SLC5A12: variants seen among roughly 807,000 people sequenced by gnomAD.
SLC5A12 encodes the protein sodium-coupled monocarboxylate transporter 2.
A neutral mutation model predicts 72.7 loss-of-function variants in SLC5A12; 46 were observed. The observed-to-expected ratio is 0.63, with a 90% CI of 0.50 to 0.81. The LOEUF (loss-of-function observed/expected upper bound fraction) is 0.81. Among genes scored for constraint, SLC5A12 ranks in the 30% least tolerant of loss-of-function variants. The pLI is 0.00. For missense variants in SLC5A12, 683 were observed against 740.7 expected, an observed-to-expected ratio of 0.92 and a Z score of 0.90; for synonymous variants, 275 against 264.4, an observed-to-expected ratio of 1.04 and a Z score of -0.39.
intron 1 of SLC5A12, among the ~76,000 whole-genome samples, chr11:26,715,316 G>T (rs1003108774): frequency 7.7e-6 from 1 of 129,626 alleles, no homozygotes; most frequent in Non-Finnish European, 1.7e-5. Flanking sequence ...CTGAGCCTTT[G>T]CACAGGGCCA....
At chr11:26,696,900 G>C (rs912571016) in intron 8 of SLC5A12, among the ~76,000 whole-genome samples, 13 of 152,084 alleles carry the variant, frequency 8.5e-5, no homozygotes, top group African/African-American at 3.1e-4. Flanking sequence ...GACAGACCAA[G>C]GCTTACATCC....
At chr11:26,707,107 CA>C (rs1855108225) in intron 4 of SLC5A12, among the ~76,000 whole-genome samples, 1 of 151,830 alleles carries the variant, frequency 6.6e-6, no homozygotes, top group African/African-American at 2.4e-5. Context: ...ATCAAAAACA[CA>C]ATTATGACTG....
chr11:26,718,585 T>G (rs982610085), intron 1 of SLC5A12, among the ~76,000 whole-genome samples: 25 of 152,026 alleles, frequency 1.6e-4, no homozygotes, highest in African/African-American at 5.1e-4. Context: ...CTCGAGTAGC[T>G]GGGATTACAT....
intron 7 of SLC5A12, 146 bp downstream of exon 7, chr11:26,698,260 C>T: frequency 4.8e-6 from 5 of 1,049,876 alleles, no homozygotes; most frequent in Non-Finnish European, 6.7e-6. Context: ...GCTGATATCA[C>T]CCAAGAGAAG....
intron 13 of SLC5A12, among the ~76,000 whole-genome samples, chr11:26,676,028 G>C (rs1234597388): frequency 6.6e-6 from 1 of 151,884 alleles, no homozygotes; most frequent in Non-Finnish European, 1.5e-5. Flanking sequence ...GAGAGAGACT[G>C]AAATAAGGTA....
intron 4 of SLC5A12, among the ~76,000 whole-genome samples, chr11:26,705,394 C>T (rs1408334496): frequency 2.0e-5 from 3 of 152,014 alleles, no homozygotes; most frequent in East Asian, 1.9e-4. Flanking sequence ...AATGAAATGA[C>T]GTGGTATTTT....
At chr11:26,713,924 C>G (rs1443943556) in intron 1 of SLC5A12, among the ~76,000 whole-genome samples, 1 of 152,118 alleles carries the variant, frequency 6.6e-6, no homozygotes, top group Non-Finnish European at 1.5e-5. Flanking sequence ...GGTTCCATCA[C>G]TCCAATTTCT....
At chr11:26,686,112 G>A (rs1413103824) in intron 10 of SLC5A12, among the ~76,000 whole-genome samples, 1 of 152,132 alleles carries the variant, frequency 6.6e-6, no homozygotes, top group African/African-American at 2.4e-5. Flanking sequence ...TTACATAAAT[G>A]TTAATTATTA....
chr11:26,695,410 T>A (rs1257730963), intron 8 of SLC5A12, among the ~76,000 whole-genome samples: 1 of 152,164 alleles, frequency 6.6e-6, no homozygotes, highest in African/African-American at 2.4e-5. Context: ...ATTTCTTATA[T>A]GTATAGTCTA....
At position 26,671,047 on chromosome 11, in the gene SLC5A12, T is replaced by TTGTGTGTG. The variant is rs71449136; in HGVS notation, c.*47_*54dup. ...CAAGTAGGCAAGAAGTATGTGGAGTTTGTGTGTGTGTGTGTGTATTGCACG... is the reference window on the plus strand; with the variant it reads ...CAAGTAGGCAAGAAGTATGTGGAGTTTGTGTGTGTGTGTGTGTGTGTGTGTATTGCACG... On this transcript the variant is annotated 3_prime_UTR_variant, in exon 15 of 15. Coordinates refer to ENST00000396005, the MANE Select transcript of SLC5A12 (RefSeq NM_178498.4). The TTGTGTGTG allele has an allele frequency of 0.06, 81,454 of 1,348,904 alleles. 1,103 individuals carry two copies. Among genetic ancestry groups the TTGTGTGTG allele is most frequent in the South Asian group, 0.096 (6,490 of 67,752 alleles). 83.6% of individuals were successfully genotyped at this position (1,348,904 alleles called of 1,614,324 possible). A position where few individuals can be genotyped will look rare whatever the true frequency, so the allele number is the denominator to read the frequency against.
At position 26,721,422 on chromosome 11, in the gene SLC5A12, A is replaced by G; in HGVS notation, c.293T>C (p.Leu98Pro). 6.2e-7 allele frequency: 1 copy of G among 1,614,130 alleles called. No homozygotes were observed. Among genetic ancestry groups the G allele is most frequent in the Non-Finnish European group, 8.5e-7 (1 of 1,179,994 alleles). ...YLFVILLTSE[L>P]FLPVFYRSGI... The stretch of plus-strand genomic sequence containing the variant: ...AGATCTGTAGAACACAGGGAGAAAG[A>G]GCTCTGATGTTAAGAGGATGACAAA... Residue 98 changes from leucine to proline, a missense_variant, in exon 1 of 15, where the codon CTC becomes CCC. Leu to Pro is a moderately conservative substitution (Grantham distance 98). Coordinates refer to ENST00000396005, the MANE Select transcript of SLC5A12 (RefSeq NM_178498.4).
At chr11:26,692,208 T>C (rs578070050) in intron 9 of SLC5A12, 27 of 252,648 alleles carry the variant, frequency 1.1e-4, no homozygotes, top group African/African-American at 5.4e-4. Flanking sequence ...CTGGGCCGTA[T>C]GCGGCCCACA....
At chr11:26,688,240 A>G (rs1361978891) in intron 9 of SLC5A12, among the ~76,000 whole-genome samples, 1 of 152,226 alleles carries the variant, frequency 6.6e-6, no homozygotes, top group African/African-American at 2.4e-5. Context: ...AGAGGGAGTG[A>G]AAGCTCCACA....
intron 13 of SLC5A12, among the ~76,000 whole-genome samples, chr11:26,676,098 G>C (rs1854259619): frequency 6.6e-6 from 1 of 152,028 alleles, no homozygotes; most frequent in African/African-American, 2.4e-5. Flanking sequence ...CAAACTGAAA[G>C]CTAGAATATT....
intron 9 of SLC5A12, chr11:26,692,154 T>C (rs1242148995): frequency 1.2e-5 from 2 of 172,122 alleles, no homozygotes; most frequent in Non-Finnish European, 2.5e-5. Flanking sequence ...CAGAATGTTT[T>C]AAGAAAGTTT....
Position 26,697,187 on chromosome 11 carries a change from A to C in SLC5A12, c.1017T>G (p.Ala339=), listed in dbSNP as rs749806420. The change falls in exon 8 of 15, where the codon GCT becomes GCG. Residue 339 remains alanine, a synonymous_variant. Transcript: ENST00000396005. ...TMPGLPGLFV[A]CAFSGTLSTV... is the part of the protein sequence containing the mutation. ...ACCTCAGAGTTCCACTGAAGGCACAAGCCACAAAAAGTCCTGGCAGTCCTG... is the reference window on the plus strand; with the variant it reads ...ACCTCAGAGTTCCACTGAAGGCACACGCCACAAAAAGTCCTGGCAGTCCTG... 5 of 1,613,914 alleles carry C rather than the reference A, an allele frequency of 3.1e-6. No individual in the cohort carries two copies. The East Asian group carries it at 8.9e-5, about 29-fold the overall frequency.
rs1854054028 is a variant in SLC5A12, at chr11:26,668,622, C to G, written c.*2480G>C. On this transcript the variant is annotated 3_prime_UTR_variant, in exon 15 of 15. Transcript: ENST00000396005. ...CCACACAACAAACACGGTTTTCATA[C>G]ACTATGGAAGACAGTTTCCTGTAGA... The G allele has an allele frequency of 6.6e-6, 1 of 152,010 alleles. No homozygotes were observed. Among genetic ancestry groups the G allele is most frequent in the Non-Finnish European group, 1.5e-5 (1 of 67,972 alleles). The allele number at this position is 152,010 out of a possible 1,614,324, so 9.4% of individuals were successfully genotyped here.
At chr11:26,718,387 A>G (rs1372557659) in intron 1 of SLC5A12, among the ~76,000 whole-genome samples, 2 of 152,212 alleles carry the variant, frequency 1.3e-5, no homozygotes, top group African/African-American at 4.8e-5. Flanking sequence ...AATTTACGCC[A>G]AGGTCATGCA....
intron 13 of SLC5A12, among the ~76,000 whole-genome samples, chr11:26,675,656 G>A (rs1854247826): frequency 6.6e-6 from 1 of 152,142 alleles, no homozygotes. Flanking sequence ...ATAGTAACCT[G>A]GGGTGGTTTT....
Sources: allele counts gnomAD v4.1 joint callset (sites outside exome capture counted in the v4.1 genomes callset), GRCh38; gene constraint gnomAD v4.1.1; transcripts MANE v1.5; gene names NCBI Gene and HGNC (gene_info 2026-07-23, HGNC 2026-07-21).